The following FCHSD2 variants were observed in gnomAD, a reference collection of about 807,000 sequenced individuals.
FCHSD2 encodes F-BAR and double SH3 domains protein 2.
In FCHSD2, 38 loss-of-function variants were observed where a neutral mutation model predicts 108.1. The ratio of observed to expected loss-of-function variants is 0.35; its 90% CI spans 0.27 to 0.46. FCHSD2 has a LOEUF of 0.46. Among genes scored for constraint, FCHSD2 ranks in the 20% least tolerant of loss-of-function variants. The probability of loss-of-function intolerance (pLI) is 1.00; values close to 1 mark genes in which losing one functional copy is unlikely to be tolerated. For synonymous variants in FCHSD2, 279 were observed against 314.7 expected, an observed-to-expected ratio of 0.89 and a Z score of 1.20; for missense variants, 751 against 897.8, an observed-to-expected ratio of 0.84 and a Z score of 2.09.
intron 2 of FCHSD2, among the ~76,000 whole-genome samples, chr11:73,127,561 C>T (rs1860887499): frequency 6.6e-6 from 1 of 152,172 alleles, no homozygotes. Flanking sequence ...ATACCAACAA[C>T]ATAGAATGGC....
At chr11:72,954,304 G>A (rs568331375) in intron 8 of FCHSD2, among the ~76,000 whole-genome samples, 1 of 149,796 alleles carries the variant, frequency 6.7e-6, no homozygotes, top group Non-Finnish European at 1.5e-5. Flanking sequence ...AAACACCTGG[G>A]CTCATGCAAT....
chr11:73,117,382 TTATTA>T (rs1185550247), intron 2 of FCHSD2, among the ~76,000 whole-genome samples: 2 of 152,196 alleles, frequency 1.3e-5, no homozygotes, highest in Admixed American at 6.5e-5. Context: ...GATTTATATT[TTATTA>T]TTTTTCCATC....
chr11:72,985,494 G>A (rs1404124946), intron 6 of FCHSD2, among the ~76,000 whole-genome samples: 8 of 152,064 alleles, frequency 5.3e-5, no homozygotes, highest in Non-Finnish European at 2.9e-5. Flanking sequence ...AAAGGTTAGA[G>A]AGACCCAGGG....
At chr11:73,076,460 G>A (rs2135506020) in intron 3 of FCHSD2, among the ~76,000 whole-genome samples, 1 of 152,310 alleles carries the variant, frequency 6.6e-6, no homozygotes, top group Non-Finnish European at 1.5e-5. Flanking sequence ...CATACCATAT[G>A]ATTACATTTG....
intron 3 of FCHSD2, among the ~76,000 whole-genome samples, chr11:73,021,317 T>C (rs913695439): frequency 2.0e-5 from 3 of 150,854 alleles, no homozygotes; most frequent in Admixed American, 6.6e-5. Context: ...TAAATGGCCA[T>C]CAATGGTAAA....
In FCHSD2 at chr11:72,962,294, C is replaced by T. The variant is rs1278867913; in HGVS notation, c.705+21794G>A. ...AGGCTGAATAACGTGATGATGCAATCGCTCTGACAGCTAATGAAATCTGTA... is the reference window on the plus strand; with the variant it reads ...AGGCTGAATAACGTGATGATGCAATTGCTCTGACAGCTAATGAAATCTGTA... On this transcript the variant is annotated intron_variant, in intron 8 of 19. Transcript: ENST00000409418. Among the ~76,000 whole-genome samples the T allele has an allele frequency of 3.9e-5, 6 of 152,174 alleles. No homozygotes were observed. In the East Asian group the frequency reaches 7.7e-4, roughly 20 times the overall value.
At chr11:72,943,980 A>C (rs1291010144) in intron 8 of FCHSD2, among the ~76,000 whole-genome samples, 1 of 152,190 alleles carries the variant, frequency 6.6e-6, no homozygotes, top group Non-Finnish European at 1.5e-5. Flanking sequence ...ATGGAGGTAA[A>C]ACAACACAAT....
intron 4 of FCHSD2, among the ~76,000 whole-genome samples, chr11:73,009,987 G>T (rs924187981): frequency 6.6e-6 from 1 of 152,134 alleles, no homozygotes; most frequent in African/African-American, 2.4e-5. Context: ...TCATCAAATA[G>T]ATTTTTCTAA....
At chr11:73,047,237 A>AT (rs528629275) in intron 3 of FCHSD2, among the ~76,000 whole-genome samples, 28 of 149,338 alleles carry the variant, frequency 1.9e-4, no homozygotes, top group East Asian at 9.7e-4. Flanking sequence ...TAAAACTACC[A>AT]TTTTTTTTTT....
At chr11:72,940,670 G>A (rs1856397968) in intron 8 of FCHSD2, 1 of 1,223,444 alleles carries the variant, frequency 8.2e-7, no homozygotes, top group Non-Finnish European at 1.2e-6. Context: ...GCCAAGCAAG[G>A]TTACATTATA....
intron 4 of FCHSD2, among the ~76,000 whole-genome samples, chr11:73,004,488 A>G (rs1290868788): frequency 2.6e-5 from 4 of 152,156 alleles, no homozygotes; most frequent in Non-Finnish European, 5.9e-5. Context: ...ATAAGAACCC[A>G]CAATCCATTT....
intron 3 of FCHSD2, among the ~76,000 whole-genome samples, chr11:73,038,295 T>G (rs931465955): frequency 6.6e-6 from 1 of 151,812 alleles, no homozygotes; most frequent in East Asian, 1.9e-4. Flanking sequence ...TGAGCTATGA[T>G]TGTGCCACTG....
At chr11:72,852,293 C>T (rs913841660) in intron 13 of FCHSD2, among the ~76,000 whole-genome samples, 1 of 152,220 alleles carries the variant, frequency 6.6e-6, no homozygotes, top group Non-Finnish European at 1.5e-5. Context: ...TTAGTTCAGC[C>T]ACTGTGGAAA....
chr11:72,961,917 A>C (rs1385600467), intron 8 of FCHSD2, among the ~76,000 whole-genome samples: 1 of 152,184 alleles, frequency 6.6e-6, no homozygotes, highest in African/African-American at 2.4e-5. Context: ...ATTTCGTAAC[A>C]AGAAAGCTCT....
intron 3 of FCHSD2, among the ~76,000 whole-genome samples, chr11:73,071,883 C>T (rs1440361708): frequency 4.6e-5 from 7 of 152,112 alleles, no homozygotes; most frequent in Admixed American, 4.6e-4. Flanking sequence ...GTGCTTAGAA[C>T]AGTGCCTGAC....
At chr11:72,942,079 G>A (rs1856430790) in intron 8 of FCHSD2, among the ~76,000 whole-genome samples, 1 of 152,222 alleles carries the variant, frequency 6.6e-6, no homozygotes. Context: ...GATCTCCAAT[G>A]TTGGAGGTGG....
chr11:73,121,366 TGAA>T (rs1219329037), intron 2 of FCHSD2, among the ~76,000 whole-genome samples: 1 of 151,796 alleles, frequency 6.6e-6, no homozygotes, highest in South Asian at 2.1e-4. Context: ...TCTACACAGA[TGAA>T]GGACACTTAA....
intron 13 of FCHSD2, among the ~76,000 whole-genome samples, chr11:72,851,415 T>C (rs1371349070): frequency 6.6e-6 from 1 of 152,126 alleles, no homozygotes; most frequent in Non-Finnish European, 1.5e-5. Context: ...CTCTGATGTA[T>C]CCATATTATA....
At chr11:73,092,479 C>T (rs1314577829) in intron 2 of FCHSD2, among the ~76,000 whole-genome samples, 1 of 152,060 alleles carries the variant, frequency 6.6e-6, no homozygotes, top group African/African-American at 2.4e-5. Context: ...AGTATTGTGA[C>T]TGTCTATGAA....
Sources: allele counts gnomAD v4.1 joint callset (sites outside exome capture counted in the v4.1 genomes callset), GRCh38; gene constraint gnomAD v4.1.1; transcripts MANE v1.5; gene names NCBI Gene and HGNC (gene_info 2026-07-23, HGNC 2026-07-21).